SLC17A8: variants seen among roughly 807,000 people sequenced by gnomAD.
SLC17A8 encodes solute carrier family 17 member 8.
SLC17A8 carries 31 observed loss-of-function variants against 58.0 expected under a neutral mutation model. The ratio of observed to expected loss-of-function variants is 0.53; its 90% CI spans 0.40 to 0.72. The LOEUF (loss-of-function observed/expected upper bound fraction) is 0.72. Among genes scored for constraint, SLC17A8 ranks in the 30% least tolerant of loss-of-function variants. The pLI, the probability that SLC17A8 is intolerant of heterozygous loss-of-function variation, is 0.00. For synonymous variants in SLC17A8, 228 were observed against 249.0 expected, an observed-to-expected ratio of 0.92 and a Z score of 0.79; for missense variants, 655 against 727.8, an observed-to-expected ratio of 0.90 and a Z score of 1.15.
chr12:100,358,495 A>T (rs1441843984), intron 1 of SLC17A8, among the ~76,000 whole-genome samples: 1 of 152,132 alleles, frequency 6.6e-6, no homozygotes, highest in Non-Finnish European at 1.5e-5. Flanking sequence ...TGTCAGTGTT[A>T]AATTTTCCAT....
intron 4 of SLC17A8, among the ~76,000 whole-genome samples, chr12:100,394,230 C>T (rs1952736293): frequency 6.6e-6 from 1 of 152,124 alleles, no homozygotes; most frequent in African/African-American, 2.4e-5. Flanking sequence ...CACAGTCATT[C>T]ACCTCTGACC....
intron 1 of SLC17A8, among the ~76,000 whole-genome samples, chr12:100,361,588 C>A (rs888047852): frequency 6.6e-6 from 1 of 152,174 alleles, no homozygotes; most frequent in African/African-American, 2.4e-5. Flanking sequence ...AAAAGCACAG[C>A]CTGAGACAGG....
intron 1 of SLC17A8, among the ~76,000 whole-genome samples, chr12:100,358,199 G>A (rs1389520140): frequency 6.6e-6 from 1 of 152,174 alleles, no homozygotes; most frequent in Non-Finnish European, 1.5e-5. Context: ...TATAGACATA[G>A]TAAATGCCTT....
At chr12:100,405,139 G>C (rs545398561) in intron 9 of SLC17A8, among the ~76,000 whole-genome samples, 2 of 152,348 alleles carry the variant, frequency 1.3e-5, no homozygotes, top group East Asian at 3.9e-4. Context: ...GAAAGCCTAA[G>C]AGTCTGTTGG....
rs542298480 is a variant in SLC17A8 at position 100,420,988 on chromosome 12, G to T, written c.*829G>T. 2 of 152,122 alleles carry T rather than the reference G, an allele frequency of 1.3e-5. No homozygotes were observed. The highest frequency in any genetic ancestry group is 2.9e-5 in the Non-Finnish European group (2 of 68,038). The allele number at this position is 152,122 out of a possible 1,614,324, so 9.4% of individuals were successfully genotyped here. ...CTCCATAGTTTTTAAAGTAATAAGG[G>T]TCAAAGACTACATCAGAGATTCAAA... is the stretch of plus-strand genomic sequence containing the variant. On this transcript the variant is annotated 3_prime_UTR_variant, in exon 12 of 12. Transcript: ENST00000323346.
At chr12:100,406,333 T>C (rs1248719927) in intron 9 of SLC17A8, among the ~76,000 whole-genome samples, 2 of 152,056 alleles carry the variant, frequency 1.3e-5, no homozygotes, top group Non-Finnish European at 2.9e-5. Flanking sequence ...GAATAGTATG[T>C]GCAATGACCC....
At chr12:100,407,903 G>A (rs995130605) in intron 9 of SLC17A8, among the ~76,000 whole-genome samples, 1 of 152,110 alleles carries the variant, frequency 6.6e-6, no homozygotes. Flanking sequence ...ACCGTGCCCG[G>A]CCATTCTTTT....
intron 1 of SLC17A8, among the ~76,000 whole-genome samples, chr12:100,380,188 A>G (rs1475480087): frequency 7.1e-6 from 1 of 140,176 alleles, no homozygotes; most frequent in Non-Finnish European, 1.5e-5. Context: ...AACGGGCAAC[A>G]AAAGCAAAAC....
At chr12:100,408,664 A>G (rs1952843586) in intron 9 of SLC17A8, among the ~76,000 whole-genome samples, 1 of 152,158 alleles carries the variant, frequency 6.6e-6, no homozygotes, top group South Asian at 2.1e-4. Flanking sequence ...TTTTTCTTAC[A>G]GATGAACTGA....
intron 4 of SLC17A8, 119 bp from the exon 5 acceptor site, chr12:100,396,211 A>G (rs1205369362): frequency 1.3e-6 from 1 of 790,014 alleles, no homozygotes; most frequent in South Asian, 1.4e-5. Context: ...TCAACCTACA[A>G]CAGTGTCTGT....
Position 100,380,790 on chromosome 12 carries a change from T to C in SLC17A8, c.191T>C (p.Leu64Pro). ...PVQTSRPSPP[L>P]CDCHCCGLPK... ...CAGACGTCCAGGCCAAGCCCCCCAC[T>C]CTGCGACTGCCACTGCTGCGGCCTC... Residue 64 changes from leucine (L) to proline (P), a missense_variant, in exon 2 of 12, where the codon CTC becomes CCC. By Grantham distance (98) the Leu-to-Pro change is moderately conservative (BLOSUM62 -3). Transcript: ENST00000323346. 6.2e-7 allele frequency: 1 copy of C among 1,614,104 alleles called. No homozygotes were observed. Among genetic ancestry groups the C allele is most frequent in the Non-Finnish European group, 8.5e-7 (1 of 1,180,020 alleles).
intron 10 of SLC17A8, among the ~76,000 whole-genome samples, chr12:100,415,859 A>G (rs1459293079): frequency 1.3e-5 from 2 of 152,254 alleles, no homozygotes; most frequent in East Asian, 1.9e-4. Context: ...AGTGGCTGGG[A>G]GTGTGGAATA....
intron 10 of SLC17A8, among the ~76,000 whole-genome samples, chr12:100,415,909 T>G (rs1394994741): frequency 6.6e-6 from 1 of 152,180 alleles, no homozygotes; most frequent in Non-Finnish European, 1.5e-5. Context: ...TGGGAGGGAT[T>G]GCAGCCACAG....
At chr12:100,391,236 A>T in intron 3 of SLC17A8, 117 bp downstream of exon 3, 1 of 744,236 alleles carries the variant, frequency 1.3e-6, no homozygotes. Context: ...AGCCATCTGG[A>T]TAGATGCAAT....
intron 1 of SLC17A8, among the ~76,000 whole-genome samples, chr12:100,380,351 A>C (rs1253143988): frequency 6.6e-6 from 1 of 152,044 alleles, no homozygotes; most frequent in Non-Finnish European, 1.5e-5. Flanking sequence ...TTGGGCCTCT[A>C]TCCTACCTCA....
intron 11 of SLC17A8, 54 bp downstream of exon 11, chr12:100,418,210 C>T (rs1952921211): frequency 4.3e-6 from 7 of 1,611,152 alleles, no homozygotes; most frequent in African/African-American, 4.0e-5. Flanking sequence ...TGGAGCTCTA[C>T]ACAAACTTGA....
At chr12:100,360,961 A>G (rs1449877148) in intron 1 of SLC17A8, among the ~76,000 whole-genome samples, 1 of 152,190 alleles carries the variant, frequency 6.6e-6, no homozygotes, top group Non-Finnish European at 1.5e-5. Context: ...TTCCCTTTAA[A>G]TGAAACTAGT....
At chr12:100,383,646 C>T (rs1034845954) in intron 2 of SLC17A8, among the ~76,000 whole-genome samples, 1 of 151,650 alleles carries the variant, frequency 6.6e-6, no homozygotes, top group Non-Finnish European at 1.5e-5. Context: ...ATAGGTAGAT[C>T]TTTCAAATAT....
chr12:100,390,495 C>T (rs1342827818), intron 2 of SLC17A8, among the ~76,000 whole-genome samples: 2 of 151,580 alleles, frequency 1.3e-5, no homozygotes, highest in South Asian at 2.1e-4. Flanking sequence ...TACAGGTGCC[C>T]GCCACCACGC....
Sources: gnomAD v4.1 joint callset for allele counts (sites outside exome capture counted in the v4.1 genomes callset) on GRCh38, gnomAD v4.1.1 for gene constraint, MANE v1.5 for transcripts, NCBI Gene and HGNC (gene_info 2026-07-23, HGNC 2026-07-21) for gene names.